Variants in OPRM1 observed in about 807,000 individuals in gnomAD.
OPRM1 encodes opioid receptor mu 1.
In OPRM1, 27 loss-of-function variants were observed where a neutral mutation model predicts 31.8. The ratio of observed to expected loss-of-function variants is 0.85; its 90% CI spans 0.63 to 1.17. OPRM1 has a LOEUF of 1.17. Among genes scored for constraint, OPRM1 ranks in the 50% most tolerant of loss-of-function variants. The pLI, the probability that OPRM1 is intolerant of heterozygous loss-of-function variation, is 0.00. For missense variants in OPRM1, 536 were observed against 511.1 expected, an observed-to-expected ratio of 1.05 and a Z score of -0.47; for synonymous variants, 196 against 189.9, an observed-to-expected ratio of 1.03 and a Z score of -0.26.
At position 154,108,015 on chromosome 6, in the gene OPRM1, G is replaced by A. The variant is rs150003726; in HGVS notation, c.1165-10668G>A. 46 of 655,096 alleles carry A rather than the reference G, an allele frequency of 7.0e-5. No homozygotes were observed. The East Asian group carries it at 1.3e-3, about 18-fold the overall frequency. 40.6% of individuals were successfully genotyped at this position (655,096 alleles called of 1,614,324 possible). A position where few individuals can be genotyped will look rare whatever the true frequency, so the allele number is the denominator to read the frequency against. ...TGCCATTCATTCAACCGTTTGCACAGAGAGAAAGAAGACAGAAATCTGACT... is the reference window on the plus strand; with the variant it reads ...TGCCATTCATTCAACCGTTTGCACAAAGAGAAAGAAGACAGAAATCTGACT... On this transcript the variant is annotated intron_variant, in intron 3 of 3. Transcript: ENST00000330432.
intron 3 of OPRM1, among the ~76,000 whole-genome samples, chr6:154,212,115 TC>T (rs1258949452): frequency 6.6e-6 from 1 of 152,166 alleles, no homozygotes; most frequent in Non-Finnish European, 1.5e-5. Flanking sequence ...AAACCAAAAA[TC>T]ACCTTCCCCA....
intron 1 of OPRM1, among the ~76,000 whole-genome samples, chr6:154,051,921 C>A (rs1407839988): frequency 6.6e-6 from 1 of 152,112 alleles, no homozygotes; most frequent in East Asian, 1.9e-4. Flanking sequence ...AGACATGGAA[C>A]CAACCCAAAT....
At chr6:154,057,817 A>T (rs1009514761) in intron 1 of OPRM1, among the ~76,000 whole-genome samples, 1 of 152,180 alleles carries the variant, frequency 6.6e-6, no homozygotes, top group South Asian at 2.1e-4. Context: ...TGACCAGTCT[A>T]CTTATGAATA....
rs147464598 is a variant in OPRM1 at position 154,067,602 on chromosome 6, T to G, written c.291-22224T>G. Among the ~76,000 whole-genome samples the G allele has an allele frequency of 8.1e-3, 1,233 of 152,176 alleles. 16 individuals are homozygous for G. The highest frequency in any genetic ancestry group is 0.029 in the African/African-American group (1,188 of 41,558). ...ATAGTCTGTCCTTGAAAATGTTCCATGTGCATGTAAGAGGAATGTTTTCTG... is the reference window on the plus strand; with the variant it reads ...ATAGTCTGTCCTTGAAAATGTTCCAGGTGCATGTAAGAGGAATGTTTTCTG... On this transcript the variant is annotated intron_variant, in intron 1 of 3. Transcript: ENST00000330432.
At chr6:154,212,008 A>G (rs949676036) in intron 3 of OPRM1, among the ~76,000 whole-genome samples, 3 of 152,228 alleles carry the variant, frequency 2.0e-5, no homozygotes, top group Non-Finnish European at 4.4e-5. Context: ...CATTAAATAA[A>G]ATGCAAATTA....
chr6:154,110,071 A>G lies in OPRM1; in HGVS notation c.1165-8612A>G, dbSNP rs550686403. ...AATTCTAGGCATTAATCAGAATCCT[A>G]AAATTGATTGTTGAACTCTTATTCT... On this transcript the variant is annotated intron_variant, in intron 3 of 3. Coordinates refer to ENST00000330432, the MANE Select transcript of OPRM1 (RefSeq NM_000914.5). Among the ~76,000 whole-genome samples the G allele has an allele frequency of 7.9e-5, 12 of 152,312 alleles. No individual in the cohort carries two copies. In the South Asian group the frequency reaches 2.3e-3, roughly 29 times the overall value.
At chr6:154,246,478 A>T in intron 3 of OPRM1, 1 of 1,223,124 alleles carries the variant, frequency 8.2e-7, no homozygotes, top group Non-Finnish European at 1.1e-6. Flanking sequence ...TTGTTTATTT[A>T]CTCCGCTCCA....
At chr6:154,085,352 T>C (rs1285920966) in intron 1 of OPRM1, among the ~76,000 whole-genome samples, 2 of 152,122 alleles carry the variant, frequency 1.3e-5, no homozygotes, top group African/African-American at 4.8e-5. Flanking sequence ...CTCTAATGGG[T>C]CAAACATCGA....
At chr6:154,172,655 G>A (rs1480964941) in intron 3 of OPRM1, among the ~76,000 whole-genome samples, 2 of 152,230 alleles carry the variant, frequency 1.3e-5, no homozygotes, top group Admixed American at 6.5e-5. Flanking sequence ...AAGCAGCAGG[G>A]AAGCTCGAAC....
At chr6:154,051,036 A>T (rs888070583) in intron 1 of OPRM1, among the ~76,000 whole-genome samples, 3 of 152,252 alleles carry the variant, frequency 2.0e-5, no homozygotes, top group African/African-American at 7.2e-5. Flanking sequence ...ATTATGTAAT[A>T]TAAGTATGTG....
chr6:154,014,582 TAAAA>T (rs111498837), intron 1 of OPRM1, among the ~76,000 whole-genome samples: 133 of 148,728 alleles, frequency 8.9e-4, no homozygotes, highest in African/African-American at 3.1e-3. Context: ...TGAATTTAGA[TAAAA>T]AAAAAAGCCC....
Position 154,129,378 on chromosome 6 carries a change from C to T in OPRM1, c.*10657C>T, listed in dbSNP as rs945199592. On this transcript the variant is annotated 3_prime_UTR_variant, in exon 4 of 4. Coordinates refer to ENST00000330432, the MANE Select transcript of OPRM1 (RefSeq NM_000914.5). ...TTTTAACTACTGGGTTTAGGCCAGG[C>T]GGGCCCAGGCCTGGTTTCGGGCCTG... Among the ~76,000 whole-genome samples, 10 of 152,184 alleles carry T rather than the reference C, an allele frequency of 6.6e-5. No individual in the cohort carries two copies. Among genetic ancestry groups the T allele is most frequent in the South Asian group, 2.1e-4 (1 of 4,828 alleles).
intron 1 of OPRM1, among the ~76,000 whole-genome samples, chr6:154,046,431 A>T (rs1263556209): frequency 6.6e-6 from 1 of 152,174 alleles, no homozygotes; most frequent in Non-Finnish European, 1.5e-5. Context: ...CTGGCAAATT[A>T]TCTGAGGGTA....
chr6:154,142,023 C>A (rs1272179051), intron 3 of OPRM1, among the ~76,000 whole-genome samples: 1 of 152,194 alleles, frequency 6.6e-6, no homozygotes, highest in Admixed American at 6.5e-5. Context: ...TCTTTGATTT[C>A]TCCTCTCCAG....
intron 3 of OPRM1, among the ~76,000 whole-genome samples, chr6:154,220,019 TG>T (rs1778735137): frequency 6.6e-6 from 1 of 151,704 alleles, no homozygotes; most frequent in Non-Finnish European, 1.5e-5. Flanking sequence ...TGTGTGTGTG[TG>T]TGTGTGTGTC....
chr6:154,026,271 T>C (rs59937121), intron 1 of OPRM1, among the ~76,000 whole-genome samples: 3 of 152,144 alleles, frequency 2.0e-5, no homozygotes, highest in Admixed American at 6.5e-5. Flanking sequence ...TCTCCTGGCC[T>C]GTAAAGTTTC....
chr6:154,066,189 T>C (rs1295927102), intron 1 of OPRM1, among the ~76,000 whole-genome samples: 1 of 152,162 alleles, frequency 6.6e-6, no homozygotes, highest in African/African-American at 2.4e-5. Flanking sequence ...GCTGAGGATT[T>C]TTGCTTCAAT....
Position 154,126,004 on chromosome 6 carries a change from G to A in OPRM1, c.*7283G>A, listed in dbSNP as rs1331474533. On this transcript the variant is annotated 3_prime_UTR_variant, in exon 4 of 4. Coordinates refer to ENST00000330432, the MANE Select transcript of OPRM1 (RefSeq NM_000914.5). ...TTTTTAGTAGAGACGGGGTTTCACC[G>A]TTTTAGCCGGGATGATCTCGATCTC... is the stretch of plus-strand genomic sequence containing the variant. 1.1e-4 allele frequency among the ~76,000 whole-genome samples: 1 copy of A among 8,954 alleles called. No homozygotes were observed. The allele number at this position is 8,954 out of a possible 152,430, so 5.9% of individuals were successfully genotyped here.
chr6:154,211,519 T>C (rs1777964364), intron 3 of OPRM1, among the ~76,000 whole-genome samples: 1 of 152,050 alleles, frequency 6.6e-6, no homozygotes, highest in Admixed American at 6.5e-5. Flanking sequence ...TCAACATCTC[T>C]GAACCTCAGT....
Sources: gnomAD v4.1 joint callset for allele counts (sites outside exome capture counted in the v4.1 genomes callset) on GRCh38, gnomAD v4.1.1 for gene constraint, MANE v1.5 for transcripts, NCBI Gene and HGNC (gene_info 2026-07-23, HGNC 2026-07-21) for gene names.